Variants in CHADL observed in about 807,000 individuals in gnomAD.
CHADL encodes the protein chondroadherin like, also known as chondroadherin-like protein.
Under a neutral mutation model 52.1 loss-of-function variants are expected in CHADL, and 48 were observed. The ratio of observed to expected loss-of-function variants is 0.92; its 90% confidence interval spans 0.73 to 1.17. The LOEUF is 1.17. CHADL is among the 50% of genes most tolerant of loss of function. The probability of loss-of-function intolerance (pLI) is 0.00; values close to 1 mark genes in which losing one functional copy is unlikely to be tolerated. For missense variants in CHADL, 977 were observed against 1,035.1 expected (o/e 0.94, Z 0.77); for synonymous variants, 498 against 511.2 (o/e 0.97, Z 0.35).
At chr22:41,232,156 C>T (rs2032617740) in intron 5 of CHADL, among the ~76,000 whole-genome samples, 1 of 151,818 alleles carries the variant, frequency 6.6e-6, no homozygotes, top group Non-Finnish European at 1.5e-5. Context: ...CACGATGAAA[C>T]CCTGTCTCTA....
rs1041300183 is a variant in CHADL at position 41,229,551 on chromosome 22, C to T, written c.*153G>A. On this transcript the variant is annotated 3_prime_UTR_variant, in exon 6 of 6. Transcript: ENST00000216241. ...ATTTTTATTCAAAGGGAAAAGAATC[C>T]CGCCCACTAAGACGCGACCCCTCAG... is the stretch of plus-strand genomic sequence containing the variant. 5.6e-6 allele frequency: 9 copies of T among 1,610,564 alleles called. No individual in the cohort carries two copies. Among genetic ancestry groups the T allele is most frequent in the Non-Finnish European group, 7.6e-6 (9 of 1,177,280 alleles).
chr22:41,238,322 C>T lies in CHADL; in HGVS notation c.750G>A (p.Gly250=). The part of the protein sequence containing the change: ...NPLTYAGEED[G]LALPGLRELL... ...GCTCCCGCAGGCCGGGCAGCGCCAG[C>T]CCGTCCTCCTCGCCCGCGTAGGTGA... Residue 250 remains glycine, a synonymous_variant, in exon 3 of 6, where the codon GGG becomes GGA. Coordinates refer to ENST00000216241, the MANE Select transcript of CHADL (RefSeq NM_138481.2). This position sits in a 1 kb window ranked among gnomAD's most constrained non-coding sequence, Gnocchi z 4.9. The T allele has an allele frequency of 6.6e-7, 1 of 1,523,348 alleles. No homozygotes were observed. The highest frequency in any genetic ancestry group is 1.2e-5 in the South Asian group (1 of 83,170). The allele number at this position is 1,523,348 out of a possible 1,614,324, so 94.4% of individuals were successfully genotyped here. A position where few individuals can be genotyped will look rare whatever the true frequency, so the allele number is the denominator to read the frequency against.
chr22:41,237,187 C>T lies in CHADL; in HGVS notation c.1885G>A (p.Gly629Ser). The T allele has an allele frequency of 6.5e-7, 1 of 1,541,970 alleles. No homozygotes were observed. The highest frequency in any genetic ancestry group is 8.8e-7 in the Non-Finnish European group (1 of 1,141,196). ...SLQHLFLNSS[G>S]LEQICPGAFS... ...TGCCCAGTGCCCACCTGCTCCAGGC[C>T]ACTGCTGTTCAGGAAGAGGTGCTGC... Residue 629 changes from glycine to serine, a missense_variant, in exon 3 of 6, where the codon GGC becomes AGC. Physicochemically the swap from Gly to Ser is moderately conservative, Grantham distance 56. Transcript: ENST00000216241.
At chr22:41,240,784 C>T in intron 1 of CHADL, 90 bp downstream of exon 1, 1 of 1,479,400 alleles carries the variant, frequency 6.8e-7, no homozygotes, top group Non-Finnish European at 9.2e-7. Context: ...TGCCCGCCAG[C>T]CTCTGAGAGG....
intron 1 of CHADL, among the ~76,000 whole-genome samples, chr22:41,239,954 T>TGAG (rs1431578837): frequency 1.3e-5 from 2 of 152,226 alleles, no homozygotes; most frequent in Non-Finnish European, 2.9e-5. Flanking sequence ...GGTGAGGCTC[T>TGAG]GGTCCAGGGT....
chr22:41,235,088 C>G, intron 5 of CHADL, 57 bp downstream of exon 5: 1 of 1,522,732 alleles, frequency 6.6e-7, no homozygotes, highest in East Asian at 2.5e-5. Flanking sequence ...TTCCTGGGGA[C>G]TTTGGAACCT....
At chr22:41,239,777 C>T (rs2032828272) in intron 1 of CHADL, among the ~76,000 whole-genome samples, 157 bp from the exon 2 acceptor site, 1 of 152,204 alleles carries the variant, frequency 6.6e-6, no homozygotes, top group South Asian at 2.1e-4. Context: ...CCTCCCTGCC[C>T]CCCACCCCCC....
chr22:41,235,023 C>A, intron 5 of CHADL, 122 bp downstream of exon 5: 1 of 1,019,592 alleles, frequency 9.8e-7, no homozygotes, highest in Non-Finnish European at 1.4e-6. Context: ...GCAACTGGGT[C>A]ATTGCCCAGC....
At chr22:41,236,334 G>A in intron 4 of CHADL, 150 bp downstream of exon 4, 2 of 649,774 alleles carry the variant, frequency 3.1e-6, no homozygotes, top group South Asian at 2.0e-5. Flanking sequence ...ACCCTGGAAA[G>A]GGCTTATACA....
Position 41,238,268 on chromosome 22 carries a change from G to T in CHADL, c.804C>A (p.Ala268=). 1.3e-6 allele frequency: 2 copies of T among 1,530,208 alleles called. No individual in the cohort carries two copies. The highest frequency in any genetic ancestry group is 1.7e-6 in the Non-Finnish European group (2 of 1,144,666). The allele number at this position is 1,530,208 out of a possible 1,614,324, so 94.8% of individuals were successfully genotyped here. ...AGTGTGCGAAGGCCCTGGGACCCAGGGCCTGCAGGGCCCCGCCGTCCAGCA... is the reference window on the plus strand; with the variant it reads ...AGTGTGCGAAGGCCCTGGGACCCAGTGCCTGCAGGGCCCCGCCGTCCAGCA... ...ELLLDGGALQ[A]LGPRAFAHCP... Residue 268 remains alanine, a synonymous_variant, in exon 3 of 6, where the codon GCC becomes GCA. Coordinates refer to ENST00000216241, the MANE Select transcript of CHADL (RefSeq NM_138481.2). The surrounding 1 kb of genome is among the most constrained non-coding windows in gnomAD (Gnocchi z 4.9).
chr22:41,236,430 T>A, intron 4 of CHADL, 54 bp downstream of exon 4: 1 of 1,489,078 alleles, frequency 6.7e-7, no homozygotes, highest in East Asian at 2.5e-5. Flanking sequence ...GACAGGGGCT[T>A]GACTGAGAGT....
intron 3 of CHADL, 128 bp downstream of exon 3, chr22:41,237,048 C>T (rs1569158996): frequency 3.0e-6 from 3 of 1,010,966 alleles, no homozygotes; most frequent in African/African-American, 3.2e-5. Flanking sequence ...CCTGGTTTAT[C>T]TCAGGGTCCC....
intron 1 of CHADL, 37 bp from the exon 2 acceptor site, chr22:41,239,657 C>T: frequency 2.0e-6 from 3 of 1,471,096 alleles, no homozygotes; most frequent in Non-Finnish European, 1.8e-6. Flanking sequence ...TGCACAAGGG[C>T]CGAGGCCACA....
intron 1 of CHADL, among the ~76,000 whole-genome samples, chr22:41,239,997 T>C (rs1305970345): frequency 1.1e-4 from 16 of 152,280 alleles, no homozygotes; most frequent in Non-Finnish European, 1.5e-4. Context: ...CAGACTGATA[T>C]GATGCCAGCT....
chr22:41,237,138 G>T (rs555086402), intron 3 of CHADL, 38 bp downstream of exon 3: 27 of 1,497,994 alleles, frequency 1.8e-5, no homozygotes, highest in Non-Finnish European at 2.2e-5. Context: ...GCCTTGTGCC[G>T]CCTCCTGCAC....
chr22:41,230,372 G>T (rs558968327), intron 5 of CHADL: 5 of 752,364 alleles, frequency 6.6e-6, no homozygotes, highest in Non-Finnish European at 1.1e-5. Context: ...AATTCTGCCC[G>T]GTGCTGTGAA....
Position 41,237,963 on chromosome 22 carries a change from T to G in CHADL, c.1109A>C (p.Glu370Ala), listed in dbSNP as rs866740425. ...GGCGCGGGGCCCGGCCACAGCCCGC[T>G]CTTCCAGCTCTTCCTCTTCCTGCGC... ...DAAQEEEELE[E>A]RAVAGPRAPP... The change falls in exon 3 of 6, where the codon GAG becomes GCG. Residue 370 changes from glutamate to alanine, a missense_variant. Coordinates refer to ENST00000216241, the MANE Select transcript of CHADL (RefSeq NM_138481.2). 1 of 1,259,490 alleles carries G rather than the reference T, an allele frequency of 7.9e-7. No homozygotes were observed. The highest frequency in any genetic ancestry group is 1.6e-5 in the African/African-American group (1 of 63,640). The allele number at this position is 1,259,490 out of a possible 1,614,324, so 78.0% of individuals were successfully genotyped here.
In CHADL at chr22:41,237,910, C is replaced by CGGGGCCGCGCGG. The variant is rs1454934411; in HGVS notation, c.1150_1161dup (p.Pro384_Pro387dup). The CGGGGCCGCGCGG allele has an allele frequency of 1.5e-6, 2 of 1,296,680 alleles. No individual in the cohort carries two copies. The highest frequency in any genetic ancestry group is 1.6e-5 in the African/African-American group (1 of 64,332). The allele number at this position is 1,296,680 out of a possible 1,614,324, so 80.3% of individuals were successfully genotyped here. ...CAAGGCGCGACTGCCCGCTCCTCCC[C>CGGGGCCGCGCGG]GGGGCCGCGCGGAGGGCCGCGCGGA... is the stretch of plus-strand genomic sequence containing the variant. On this transcript the variant is annotated inframe_insertion, in exon 3 of 6. Coordinates refer to ENST00000216241, the MANE Select transcript of CHADL (RefSeq NM_138481.2).
chr22:41,236,700 A>T, intron 3 of CHADL, 50 bp from the exon 4 acceptor site: 1 of 1,492,898 alleles, frequency 6.7e-7, no homozygotes, highest in Non-Finnish European at 9.0e-7. Flanking sequence ...GAGCTGTCCC[A>T]CCCCCAAGTC....
Sources: gnomAD v4.1 joint callset for allele counts (sites outside exome capture counted in the v4.1 genomes callset) on GRCh38, gnomAD v4.1.1 for gene constraint, Gnocchi (gnomAD v3.1) non-coding constraint, MANE v1.5 for transcripts, NCBI Gene and HGNC (gene_info 2026-07-23, HGNC 2026-07-21) for gene names.